The following ERG variants were observed in gnomAD, a reference collection of about 807,000 sequenced individuals.
ERG encodes transcriptional regulator ERG.
Under a neutral mutation model 55.3 loss-of-function variants are expected in ERG, and 9 were observed. The ratio of observed to expected loss-of-function variants is 0.16; its 90% CI spans 0.10 to 0.28. The LOEUF (loss-of-function observed/expected upper bound fraction) is 0.28. Among genes scored for constraint, ERG ranks in the 10% least tolerant of loss-of-function variants. The pLI is 1.00. For missense variants in ERG, 434 were observed against 631.6 expected (o/e 0.69, Z 3.35); for synonymous variants, 223 against 237.3 (o/e 0.94, Z 0.55).
chr21:38,419,772 T>A (rs567292406), intron 3 of ERG, among the ~76,000 whole-genome samples: 1 of 152,174 alleles, frequency 6.6e-6, no homozygotes, highest in Non-Finnish European at 1.5e-5. Flanking sequence ...TTTTGACACT[T>A]TTTTTATGGG....
intron 1 of ERG, among the ~76,000 whole-genome samples, chr21:38,497,496 C>T (rs2059389558): frequency 6.6e-6 from 1 of 152,162 alleles, no homozygotes; most frequent in Non-Finnish European, 1.5e-5. Flanking sequence ...TGAACGGACC[C>T]CCATTCAAGA....
rs185994547 is a variant in ERG at position 38,596,617 on chromosome 21, T to C, written c.-149-11672A>G. 1.6e-3 allele frequency among the ~76,000 whole-genome samples: 243 copies of C among 152,354 alleles called. 1 individual carries two copies. The highest frequency in any genetic ancestry group is 4.5e-3 in the African/African-American group (188 of 41,580). The stretch of plus-strand genomic sequence containing the variant: ...TCTGTCCTGATGACAGAAATTCAAC[T>C]ACACAGGTACATGCAAGCTAATATC... On this transcript the variant is annotated intron_variant, in intron 1 of 10. Coordinates refer to the ERG transcript ENST00000398910.
chr21:38,429,345 C>A, intron 2 of ERG, among the ~76,000 whole-genome samples: 1 of 150,162 alleles, frequency 6.7e-6, no homozygotes, highest in Non-Finnish European at 1.5e-5. Context: ...TCTACATATG[C>A]ACACATATAC....
intron 2 of ERG, among the ~76,000 whole-genome samples, chr21:38,431,785 G>T (rs1250372479): frequency 1.3e-5 from 2 of 152,232 alleles, no homozygotes; most frequent in African/African-American, 4.8e-5. Context: ...ACTGGATTAT[G>T]CAGTAAACAA....
intron 1 of ERG, among the ~76,000 whole-genome samples, chr21:38,603,163 T>C (rs2060174671): frequency 6.6e-6 from 1 of 151,984 alleles, no homozygotes; most frequent in Non-Finnish European, 1.5e-5. Context: ...AACTTGTCTT[T>C]AGACCCCTAA....
At chr21:38,618,879 C>T (rs1242412383) in intron 1 of ERG, among the ~76,000 whole-genome samples, 1 of 152,164 alleles carries the variant, frequency 6.6e-6, no homozygotes, top group African/African-American at 2.4e-5. Flanking sequence ...GACTTACCCA[C>T]CAGGGTTGCT....
intron 1 of ERG, among the ~76,000 whole-genome samples, chr21:38,458,708 C>A (rs1435793859): frequency 6.6e-6 from 1 of 152,160 alleles, no homozygotes; most frequent in Non-Finnish European, 1.5e-5. Flanking sequence ...GTGTGTTGGT[C>A]TGGGTGTCCG....
chr21:38,578,321 G>C (rs780819760), intron 1 of ERG, among the ~76,000 whole-genome samples: 1 of 152,240 alleles, frequency 6.6e-6, no homozygotes, highest in Non-Finnish European at 1.5e-5. Flanking sequence ...GGAGAAGATA[G>C]AGGGTAAATA....
intron 2 of ERG, among the ~76,000 whole-genome samples, chr21:38,521,198 C>T (rs533702742): frequency 6.6e-6 from 1 of 152,244 alleles, no homozygotes; most frequent in Non-Finnish European, 1.5e-5. Context: ...GTAAGACCAG[C>T]CACACAGTTC....
intron 2 of ERG, among the ~76,000 whole-genome samples, chr21:38,551,789 G>A (rs369504586): frequency 2.0e-5 from 3 of 152,094 alleles, no homozygotes; most frequent in South Asian, 4.1e-4. Context: ...TATGTGCCAC[G>A]TGTAGGTGAA....
intron 1 of ERG, among the ~76,000 whole-genome samples, chr21:38,450,041 A>C (rs1332307513): frequency 6.6e-6 from 1 of 152,064 alleles, no homozygotes; most frequent in Non-Finnish European, 1.5e-5. Flanking sequence ...ATTATGAAAA[A>C]CAAATGGAAC....
intron 2 of ERG, among the ~76,000 whole-genome samples, chr21:38,543,737 C>T (rs1234082211): frequency 1.5e-5 from 2 of 133,410 alleles, no homozygotes; most frequent in Non-Finnish European, 1.6e-5. Context: ...GTGAGAAACA[C>T]TTTTTTTTTT....
At chr21:38,466,306 T>TGG (rs1393510025) in intron 1 of ERG, among the ~76,000 whole-genome samples, 8 of 150,712 alleles carry the variant, frequency 5.3e-5, no homozygotes, top group African/African-American at 2.0e-4. Context: ...CTGGGGTGTG[T>TGG]GTGTGTGTGT....
intron 1 of ERG, among the ~76,000 whole-genome samples, chr21:38,481,640 G>A (rs148583154): frequency 2.2e-4 from 34 of 152,202 alleles, no homozygotes; most frequent in African/African-American, 6.7e-4. Flanking sequence ...AAAAACAAAC[G>A]TAGCTATTAT....
At chr21:38,399,790 A>G (rs1354133538) in intron 6 of ERG, among the ~76,000 whole-genome samples, 2 of 152,162 alleles carry the variant, frequency 1.3e-5, no homozygotes, top group Non-Finnish European at 2.9e-5. Context: ...CCTCTACCAT[A>G]AAATCTATCA....
intron 5 of ERG, among the ~76,000 whole-genome samples, chr21:38,401,432 T>C (rs547109827): frequency 1.3e-5 from 2 of 152,294 alleles, no homozygotes; most frequent in East Asian, 3.9e-4. Flanking sequence ...CCAAAATTAT[T>C]GAAAAAGTGT....
At chr21:38,565,033 C>T (rs2059914608) in intron 2 of ERG, among the ~76,000 whole-genome samples, 1 of 152,330 alleles carries the variant, frequency 6.6e-6, no homozygotes, top group Admixed American at 6.5e-5. Context: ...TTGCAACTGT[C>T]CCCTCTTGCA....
intron 1 of ERG, among the ~76,000 whole-genome samples, chr21:38,452,447 C>A: frequency 6.6e-6 from 1 of 152,168 alleles, no homozygotes; most frequent in South Asian, 2.1e-4. Context: ...ATATACAATA[C>A]ATAATGTATA....
chr21:38,436,411 C>A (rs1348865150), intron 2 of ERG, among the ~76,000 whole-genome samples: 1 of 152,122 alleles, frequency 6.6e-6, no homozygotes, highest in African/African-American at 2.4e-5. Flanking sequence ...GGATTTGGTG[C>A]ATCTTGTCAC....
Sources: allele counts gnomAD v4.1 joint callset (sites outside exome capture counted in the v4.1 genomes callset), GRCh38; gene constraint gnomAD v4.1.1; transcripts MANE v1.5; gene names NCBI Gene and HGNC (gene_info 2026-07-23, HGNC 2026-07-21).